Variants in ADAM17 observed in about 807,000 individuals in gnomAD.
ADAM17 encodes the protein ADAM metallopeptidase domain 17.
Under a neutral mutation model 96.7 loss-of-function variants are expected in ADAM17, and 39 were observed. That is an observed-to-expected ratio of 0.40 (90% CI 0.31 to 0.53). The LOEUF is 0.53. Among genes scored for constraint, ADAM17 ranks in the 20% least tolerant of loss-of-function variants. The pLI, the probability that ADAM17 is intolerant of heterozygous loss-of-function variation, is 0.44. For missense variants in ADAM17, 777 were observed against 1,013.2 expected (o/e 0.77, Z 3.17); for synonymous variants, 344 against 359.2 (o/e 0.96, Z 0.48).
intron 7 of ADAM17, among the ~76,000 whole-genome samples, chr2:9,522,617 G>A (rs552747963): frequency 6.6e-6 from 1 of 152,044 alleles, no homozygotes; most frequent in African/African-American, 2.4e-5. Flanking sequence ...ACTACAAAAA[G>A]CTTGGAAAAA....
At chr2:9,530,866 T>G (rs1456989602) in intron 4 of ADAM17, among the ~76,000 whole-genome samples, 2 of 152,240 alleles carry the variant, frequency 1.3e-5, no homozygotes. Context: ...GACATTATGT[T>G]AGAAATTGTT....
chr2:9,537,080 A>G (rs1397791435), intron 2 of ADAM17, among the ~76,000 whole-genome samples: 1 of 152,232 alleles, frequency 6.6e-6, no homozygotes, highest in Non-Finnish European at 1.5e-5. Context: ...GAACTTATAC[A>G]TTCATCTCTC....
At chr2:9,528,530 T>G (rs936888260) in intron 4 of ADAM17, among the ~76,000 whole-genome samples, 2 of 152,208 alleles carry the variant, frequency 1.3e-5, no homozygotes, top group South Asian at 4.1e-4. Flanking sequence ...AAACAAAATC[T>G]CCACTTACAA....
At position 9,541,663 on chromosome 2, in the gene ADAM17, A is replaced by G. The variant is rs537606783; in HGVS notation, c.230+1490T>C. ...ACTGAGTTAGAAGTAAAAACTTTGC[A>G]TATCCTCCATGGCTTGTTTTTTAAA... On this transcript the variant is annotated intron_variant, in intron 2 of 18. Transcript: ENST00000310823. Among the ~76,000 whole-genome samples the G allele has an allele frequency of 1.9e-3, 287 of 152,342 alleles. 1 individual carries two copies. The highest frequency in any genetic ancestry group is 3.0e-3 in the Non-Finnish European group (203 of 68,032).
At chr2:9,544,406 C>A (rs186510931) in intron 1 of ADAM17, among the ~76,000 whole-genome samples, 95 of 152,206 alleles carry the variant, frequency 6.2e-4, no homozygotes, top group African/African-American at 2.2e-3. Context: ...GTGGTGCATG[C>A]CTGTAATCCC....
Position 9,535,889 on chromosome 2 carries a change from C to T in ADAM17, c.395G>A (p.Arg132Lys), listed in dbSNP as rs935773047. 2 of 1,605,640 alleles carry T rather than the reference C, an allele frequency of 1.2e-6. No homozygotes were observed. The highest frequency in any genetic ancestry group is 4.5e-5 in the East Asian group (2 of 44,422). Residue 132 changes from arginine to lysine, a missense_variant, in exon 4 of 19, where the codon AGA becomes AAA. Physicochemically the swap from Arg to Lys is conservative, Grantham distance 26. Around this residue, in one of 3 missense-constraint regions of ADAM17, gnomAD observed 446 missense variants for 664.7 expected, o/e 0.67. Transcript: ENST00000310823. ...GATTCTGATTATAACATCATCATCT[C>T]TTATGTGGGCTAGAACCCTAGAGTC... ...EPDSRVLAHI[R>K]DDDVIIRINT...
intron 1 of ADAM17, among the ~76,000 whole-genome samples, chr2:9,552,931 T>C (rs1306601392): frequency 2.0e-5 from 3 of 152,322 alleles, no homozygotes; most frequent in Middle Eastern, 6.8e-3. Flanking sequence ...TGCAATATAG[T>C]AGTATTTGTA....
chr2:9,515,021 T>C (rs1441697230), intron 10 of ADAM17, among the ~76,000 whole-genome samples: 3 of 152,150 alleles, frequency 2.0e-5, no homozygotes, highest in East Asian at 3.9e-4. Flanking sequence ...CCACCACCTG[T>C]TTTTAAATCA....
At chr2:9,493,683 C>T (rs1224108322) in intron 16 of ADAM17, 64 bp downstream of exon 16, 5 of 1,430,254 alleles carry the variant, frequency 3.5e-6, no homozygotes, top group African/African-American at 2.8e-5. Context: ...TGAAAGCACA[C>T]TTTTCTAATG....
intron 13 of ADAM17, among the ~76,000 whole-genome samples, chr2:9,499,428 G>C (rs1662862915): frequency 6.6e-6 from 1 of 151,798 alleles, no homozygotes; most frequent in Admixed American, 6.6e-5. Context: ...TTGAGATGGA[G>C]TCTTGCTCTG....
chr2:9,550,349 A>T (rs1665545842), intron 1 of ADAM17, among the ~76,000 whole-genome samples: 1 of 151,548 alleles, frequency 6.6e-6, no homozygotes, highest in African/African-American at 2.4e-5. Context: ...AGTAACCAGG[A>T]TGCAAGTTTC....
At chr2:9,516,229 T>C (rs1430732181) in intron 10 of ADAM17, among the ~76,000 whole-genome samples, 1 of 152,144 alleles carries the variant, frequency 6.6e-6, no homozygotes, top group Non-Finnish European at 1.5e-5. Flanking sequence ...CAGTTCTTTA[T>C]ACATATGGAA....
intron 17 of ADAM17, among the ~76,000 whole-genome samples, chr2:9,492,178 C>A (rs928691855): frequency 3.3e-5 from 5 of 152,192 alleles, no homozygotes; most frequent in Non-Finnish European, 7.3e-5. Context: ...AGGAAGGCCA[C>A]TATGAAAGAG....
Position 9,498,773 on chromosome 2 carries a change from T to C in ADAM17, c.1649-1525A>G, listed in dbSNP as rs147028088. Among the ~76,000 whole-genome samples the C allele has an allele frequency of 1.9e-3, 284 of 152,344 alleles. 1 individual carries two copies. Among genetic ancestry groups the C allele is most frequent in the African/African-American group, 6.6e-3 (273 of 41,578 alleles). The stretch of plus-strand genomic sequence containing the variant: ...CAGGGAAGGTTTATATTGTGGATCA[T>C]TATTGTATTTTTGGTATATGATACT... On this transcript the variant is annotated intron_variant, in intron 13 of 18. Transcript: ENST00000310823.
At chr2:9,544,531 G>C (rs1435101089) in intron 1 of ADAM17, among the ~76,000 whole-genome samples, 1 of 146,510 alleles carries the variant, frequency 6.8e-6, no homozygotes, top group Non-Finnish European at 1.5e-5. Context: ...TCTCTAGGCG[G>C]GGGAAAAAAG....
At chr2:9,512,942 G>A (rs1663820947) in intron 10 of ADAM17, among the ~76,000 whole-genome samples, 1 of 152,072 alleles carries the variant, frequency 6.6e-6, no homozygotes, top group Non-Finnish European at 1.5e-5. Context: ...TCCTGTACTC[G>A]GGACCCTTCC....
At chr2:9,531,237 C>G (rs1000364225) in intron 4 of ADAM17, among the ~76,000 whole-genome samples, 1 of 151,538 alleles carries the variant, frequency 6.6e-6, no homozygotes, top group African/African-American at 2.4e-5. Flanking sequence ...GGATGACAGG[C>G]ATGAGCCACT....
At chr2:9,523,957 C>T (rs1010653230) in intron 6 of ADAM17, among the ~76,000 whole-genome samples, 1 of 151,596 alleles carries the variant, frequency 6.6e-6, no homozygotes, top group Non-Finnish European at 1.5e-5. Flanking sequence ...CTCACTACAG[C>T]CTGAATTTCT....
chr2:9,517,758 C>G (rs1664117595), intron 10 of ADAM17, 143 bp downstream of exon 10: 2 of 556,486 alleles, frequency 3.6e-6, no homozygotes, highest in Admixed American at 4.1e-5. Flanking sequence ...ATATATCCCA[C>G]AAAAATACAT....
Sources: gnomAD v4.1 joint callset for allele counts (sites outside exome capture counted in the v4.1 genomes callset) on GRCh38, gnomAD v4.1.1 for gene constraint, gnomAD v4.1.1 regional missense constraint, MANE v1.5 for transcripts, NCBI Gene and HGNC (gene_info 2026-07-23, HGNC 2026-07-21) for gene names.